Variants in FLRT2 observed in about 807,000 individuals in gnomAD.
The protein encoded by FLRT2 is fibronectin leucine rich transmembrane protein 2.
FLRT2 carries 15 observed loss-of-function variants against 40.0 expected under a neutral mutation model. That is an observed-to-expected ratio of 0.38 (90% CI 0.25 to 0.58). FLRT2 has a LOEUF of 0.58. Ranked by LOEUF, FLRT2 falls within the 20% of genes least tolerant of loss-of-function variation. The pLI is 0.71. For synonymous variants in FLRT2, 380 were observed against 336.8 expected (o/e 1.13, Z -1.41); for missense variants, 726 against 840.0 (o/e 0.86, Z 1.68).
intron 1 of FLRT2, among the ~76,000 whole-genome samples, chr14:85,587,120 A>G (rs115283565): frequency 0.01 from 1,556 of 152,190 alleles, 27 homozygotes; most frequent in African/African-American, 0.035. Context: ...CCATTTTACC[A>G]TCAAACGAGG....
In FLRT2 at chr14:85,645,569, A is replaced by T. The variant is rs185322771; in HGVS notation, c.*22072A>T. The stretch of plus-strand genomic sequence containing the variant: ...ATGGATACAATTTGGATCATTGGTA[A>T]TAAGGAGACTTAGGGAAGAAATACG... On this transcript the variant is annotated 3_prime_UTR_variant, in exon 2 of 2. Transcript: ENST00000330753. 111 of 152,302 alleles carry T rather than the reference A, an allele frequency of 7.3e-4. No homozygotes were observed. Among genetic ancestry groups the T allele is most frequent in the Middle Eastern group, 3.4e-3 (1 of 294 alleles). 9.4% of individuals were successfully genotyped at this position (152,302 alleles called of 1,614,324 possible).
At chr14:85,594,785 T>C (rs1252967949) in intron 1 of FLRT2, among the ~76,000 whole-genome samples, 2 of 152,094 alleles carry the variant, frequency 1.3e-5, no homozygotes, top group Non-Finnish European at 2.9e-5. Flanking sequence ...AGTTGAAAAA[T>C]CTGCCGTTAC....
chr14:85,587,203 C>T (rs543973522), intron 1 of FLRT2, among the ~76,000 whole-genome samples: 6 of 148,564 alleles, frequency 4.0e-5, no homozygotes, highest in Admixed American at 2.0e-4. Context: ...CACTTACATT[C>T]TTTTAGTATT....
chr14:85,557,132 C>T (rs1398776940), intron 1 of FLRT2, among the ~76,000 whole-genome samples: 1 of 151,978 alleles, frequency 6.6e-6, no homozygotes, highest in Non-Finnish European at 1.5e-5. Flanking sequence ...GAATATGATT[C>T]AAGATGAGAT....
intron 1 of FLRT2, among the ~76,000 whole-genome samples, chr14:85,552,351 A>T (rs916136940): frequency 6.6e-6 from 1 of 152,218 alleles, no homozygotes; most frequent in Non-Finnish European, 1.5e-5. Context: ...TAGTGGGGAT[A>T]GCAGTAATAA....
Position 85,640,289 on chromosome 14 carries a change from T to C in FLRT2, c.*16792T>C, listed in dbSNP as rs1484095903. ...AACCTGAATACTTTATTTCCAAAAC[T>C]GTATATTTTATCAGGACAGTAAGGC... On this transcript the variant is annotated 3_prime_UTR_variant, in exon 2 of 2. Coordinates refer to ENST00000330753, the MANE Select transcript of FLRT2 (RefSeq NM_013231.6). 2.0e-5 allele frequency: 3 copies of C among 152,196 alleles called. No individual in the cohort carries two copies. The highest frequency in any genetic ancestry group is 4.4e-5 in the Non-Finnish European group (3 of 68,050). The allele number at this position is 152,196 out of a possible 1,614,324, so 9.4% of individuals were successfully genotyped here.
rs760120757 is a variant in FLRT2 at position 85,621,603 on chromosome 14, T to G, written c.89T>G (p.Val30Gly). ...LIISLGLYSQ[V>G]SKLLACPSVC... ...ATTTCCCTGGGGCTCTACTCACAGGTGTCCAAACTCCTGGCCTGCCCTAGT... is the reference window on the plus strand; with the variant it reads ...ATTTCCCTGGGGCTCTACTCACAGGGGTCCAAACTCCTGGCCTGCCCTAGT... The change falls in exon 2 of 2, where the codon GTG (valine) becomes GGG (glycine). Residue 30 changes from valine to glycine, a missense_variant. Around this residue, in one of 3 missense-constraint regions of FLRT2, gnomAD observed 106 missense variants for 121.2 expected, o/e 0.87. Transcript: ENST00000330753. 2.1e-5 allele frequency: 34 copies of G among 1,614,012 alleles called. No individual in the cohort carries two copies. Among genetic ancestry groups the G allele is most frequent in the Middle Eastern group, 3.3e-4 (2 of 6,084 alleles).
intron 1 of FLRT2, among the ~76,000 whole-genome samples, chr14:85,578,709 G>A (rs139760352): frequency 1.5e-3 from 235 of 152,102 alleles, no homozygotes; most frequent in African/African-American, 5.4e-3. Flanking sequence ...TTTACTTTAC[G>A]TACCTCAACC....
At chr14:85,590,630 C>T (rs923217186) in intron 1 of FLRT2, among the ~76,000 whole-genome samples, 6 of 151,992 alleles carry the variant, frequency 3.9e-5, no homozygotes, top group African/African-American at 1.2e-4. Flanking sequence ...GACAGAGTCT[C>T]GCTCTTTCGC....
At chr14:85,580,183 T>C (rs563298548) in intron 1 of FLRT2, among the ~76,000 whole-genome samples, 1 of 152,282 alleles carries the variant, frequency 6.6e-6, no homozygotes, top group East Asian at 1.9e-4. Flanking sequence ...AATGTCAAGA[T>C]GCCAGGCACA....
Position 85,629,912 on chromosome 14 carries a change from T to A in FLRT2, c.*6415T>A, listed in dbSNP as rs555995064. The stretch of plus-strand genomic sequence containing the variant: ...TTTGATGGCTGCACATTTATCTGAT[T>A]TGAAGGTTTCAGATGGAATCAAGAT... On this transcript the variant is annotated 3_prime_UTR_variant, in exon 2 of 2. Transcript: ENST00000330753. The A allele has an allele frequency of 2.0e-5, 3 of 152,318 alleles. No individual in the cohort carries two copies. The East Asian group carries it at 5.8e-4, about 29-fold the overall frequency. 9.4% of individuals were successfully genotyped at this position (152,318 alleles called of 1,614,324 possible). A position where few individuals can be genotyped will look rare whatever the true frequency, so the allele number is the denominator to read the frequency against.
chr14:85,581,686 TTTTAAA>T (rs1427226414), intron 1 of FLRT2, among the ~76,000 whole-genome samples: 25 of 152,232 alleles, frequency 1.6e-4, no homozygotes, highest in African/African-American at 5.8e-4. Context: ...TACAGTATTA[TTTTAAA>T]TTTATAGAAA....
chr14:85,567,753 G>A (rs1015398286), intron 1 of FLRT2, among the ~76,000 whole-genome samples: 24 of 145,704 alleles, frequency 1.6e-4, no homozygotes, highest in Admixed American at 4.3e-4. Context: ...TGATTCTTCC[G>A]CCTCAGCCCT....
intron 1 of FLRT2, among the ~76,000 whole-genome samples, chr14:85,591,019 T>C (rs1891860269): frequency 1.3e-5 from 1 of 76,462 alleles, no homozygotes; most frequent in Admixed American, 1.0e-4. Context: ...TCATTTGTAT[T>C]TCTTCTTTAT....
At position 85,589,475 on chromosome 14, in the gene FLRT2, A is replaced by G. The variant is rs144024572; in HGVS notation, c.-376-31664A>G. Among the ~76,000 whole-genome samples the G allele has an allele frequency of 8.5e-3, 1,295 of 152,148 alleles. 14 individuals are homozygous for G. Among genetic ancestry groups the G allele is most frequent in the African/African-American group, 0.03 (1,247 of 41,518 alleles). On this transcript the variant is annotated intron_variant, in intron 1 of 1. Coordinates refer to ENST00000330753, the MANE Select transcript of FLRT2 (RefSeq NM_013231.6). ...TGATTGGATTATTAGCTTTTTTCCT[A>G]TAGTCGTTTGATCTCTTTATATCTT...
At chr14:85,567,890 CG>C (rs1212505016) in intron 1 of FLRT2, among the ~76,000 whole-genome samples, 2 of 151,988 alleles carry the variant, frequency 1.3e-5, no homozygotes, top group Non-Finnish European at 2.9e-5. Flanking sequence ...CCTCCCACCT[CG>C]GCCTCCCAAA....
intron 1 of FLRT2, among the ~76,000 whole-genome samples, chr14:85,548,032 G>T (rs1009344598): frequency 1.3e-5 from 2 of 152,180 alleles, no homozygotes; most frequent in African/African-American, 2.4e-5. Context: ...AGCCAAGTTT[G>T]CCCAAGCAGT....
At chr14:85,560,066 G>A (rs1890210425) in intron 1 of FLRT2, among the ~76,000 whole-genome samples, 1 of 152,118 alleles carries the variant, frequency 6.6e-6, no homozygotes, top group Non-Finnish European at 1.5e-5. Context: ...GTTTCTGCCA[G>A]GCATACCTTG....
Position 85,630,243 on chromosome 14 carries a change from T to G in FLRT2, c.*6746T>G, listed in dbSNP as rs1268454626. 1 of 151,740 alleles carries G rather than the reference T, an allele frequency of 6.6e-6. No individual in the cohort carries two copies. The highest frequency in any genetic ancestry group is 1.5e-5 in the Non-Finnish European group (1 of 67,944). 9.4% of individuals were successfully genotyped at this position (151,740 alleles called of 1,614,324 possible). On this transcript the variant is annotated 3_prime_UTR_variant, in exon 2 of 2. Transcript: ENST00000330753. ...TTTAATGGTAATAACCCAAACTATA[T>G]GTCATTTTAGCACACACATACCAAT... is the stretch of plus-strand genomic sequence containing the variant.
Sources: allele counts gnomAD v4.1 joint callset (sites outside exome capture counted in the v4.1 genomes callset), GRCh38; gene constraint gnomAD v4.1.1; regional missense constraint gnomAD v4.1.1; transcripts MANE v1.5; gene names NCBI Gene and HGNC (gene_info 2026-07-23, HGNC 2026-07-21).